Variants in SMYD3 observed in about 807,000 individuals in gnomAD.
SMYD3 encodes SET and MYND domain containing 3.
SMYD3 carries 36 observed loss-of-function variants against 57.7 expected under a neutral mutation model. The observed-to-expected ratio is 0.62, with a 90% CI of 0.48 to 0.82. SMYD3 has a LOEUF of 0.82. SMYD3 is among the 40% of genes least tolerant of loss of function. The probability of loss-of-function intolerance (pLI) is 0.00; values close to 1 mark genes in which losing one functional copy is unlikely to be tolerated. For missense variants in SMYD3, 515 were observed against 538.8 expected, an observed-to-expected ratio of 0.96 and a Z score of 0.44; for synonymous variants, 211 against 195.0, an observed-to-expected ratio of 1.08 and a Z score of -0.68.
intron 5 of SMYD3, among the ~76,000 whole-genome samples, chr1:246,098,993 T>C (rs2060963203): frequency 6.6e-6 from 1 of 152,216 alleles, no homozygotes; most frequent in Admixed American, 6.5e-5. Flanking sequence ...TTTCCTATTT[T>C]GCTTTTCTCC....
At chr1:246,176,842 G>A (rs1394028051) in intron 5 of SMYD3, among the ~76,000 whole-genome samples, 1 of 152,170 alleles carries the variant, frequency 6.6e-6, no homozygotes, top group Non-Finnish European at 1.5e-5. Flanking sequence ...GTTTGTTAAT[G>A]GCACTGGTAA....
intron 5 of SMYD3, among the ~76,000 whole-genome samples, chr1:246,298,551 A>G (rs1416415763): frequency 1.3e-5 from 2 of 152,134 alleles, no homozygotes; most frequent in Non-Finnish European, 2.9e-5. Flanking sequence ...CAGAGACAAG[A>G]TGGAGGTTTT....
chr1:246,482,162 GC>G (rs112999750), intron 1 of SMYD3, among the ~76,000 whole-genome samples: 2 of 150,992 alleles, frequency 1.3e-5, no homozygotes, highest in African/African-American at 4.9e-5. Context: ...TGTCTCAGAA[GC>G]AAAAAAAAAT....
chr1:246,346,956 G>A (rs2065730938), intron 2 of SMYD3, among the ~76,000 whole-genome samples: 1 of 152,094 alleles, frequency 6.6e-6, no homozygotes, highest in Admixed American at 6.5e-5. Context: ...AGAACAGACA[G>A]GGGATATAGG....
intron 5 of SMYD3, among the ~76,000 whole-genome samples, chr1:246,235,142 T>C (rs2063493496): frequency 6.6e-6 from 1 of 152,190 alleles, no homozygotes; most frequent in African/African-American, 2.4e-5. Context: ...CTAATAGACC[T>C]GCCTCTAAGT....
At chr1:246,141,447 T>G (rs931981035) in intron 5 of SMYD3, among the ~76,000 whole-genome samples, 1 of 146,410 alleles carries the variant, frequency 6.8e-6, no homozygotes, top group Non-Finnish European at 1.5e-5. Context: ...TTCAAAGGAA[T>G]TTTAATGTCT....
intron 5 of SMYD3, among the ~76,000 whole-genome samples, chr1:245,962,000 C>T (rs1178713421): frequency 6.6e-6 from 1 of 152,156 alleles, no homozygotes; most frequent in East Asian, 1.9e-4. Context: ...GTTATCCTCA[C>T]TTTGCAGATG....
chr1:246,156,571 T>C (rs534921330), intron 5 of SMYD3, among the ~76,000 whole-genome samples: 226 of 152,338 alleles, frequency 1.5e-3, no homozygotes, highest in Non-Finnish European at 2.5e-3. Context: ...AGCCTGTTAT[T>C]TGTGAGGCAC....
At chr1:245,778,305 C>T (rs2817485) in intron 10 of SMYD3, among the ~76,000 whole-genome samples, 48,747 of 152,060 alleles carry the variant, frequency 0.32, 12,187 homozygotes, top group African/African-American at 0.69. Flanking sequence ...CAGTGTGGCA[C>T]TGGCAAAGAG....
intron 2 of SMYD3, among the ~76,000 whole-genome samples, chr1:246,343,627 T>C (rs574698168): frequency 6.6e-6 from 1 of 152,246 alleles, no homozygotes; most frequent in South Asian, 2.1e-4. Context: ...TAACCACAAG[T>C]CTGTATGCCA....
chr1:246,040,607 C>T (rs969091869), intron 5 of SMYD3, among the ~76,000 whole-genome samples: 2 of 152,200 alleles, frequency 1.3e-5, no homozygotes, highest in African/African-American at 4.8e-5. Flanking sequence ...TCAAGGTCCT[C>T]AGCTGGGGCT....
At chr1:246,444,800 A>G (rs148126217) in intron 1 of SMYD3, among the ~76,000 whole-genome samples, 1 of 152,364 alleles carries the variant, frequency 6.6e-6, no homozygotes, top group African/African-American at 2.4e-5. Context: ...AGCCAGGCAC[A>G]CAAAACGCAA....
At chr1:246,154,483 G>A (rs1307459449) in intron 5 of SMYD3, among the ~76,000 whole-genome samples, 1 of 152,148 alleles carries the variant, frequency 6.6e-6, no homozygotes, top group Non-Finnish European at 1.5e-5. Flanking sequence ...ATTAGAAATT[G>A]AAACCAATAG....
intron 10 of SMYD3, among the ~76,000 whole-genome samples, chr1:245,858,198 T>C (rs559262128): frequency 6.6e-6 from 1 of 152,320 alleles, no homozygotes; most frequent in East Asian, 1.9e-4. Context: ...AGCCCGTCTT[T>C]GTCACTGCAA....
chr1:246,440,786 A>G (rs905815456), intron 1 of SMYD3, among the ~76,000 whole-genome samples: 1 of 152,204 alleles, frequency 6.6e-6, no homozygotes. Context: ...CAAGTTCACA[A>G]AATCCCTTTC....
intron 5 of SMYD3, among the ~76,000 whole-genome samples, chr1:246,219,802 C>T (rs77242767): frequency 0.014 from 2,169 of 152,272 alleles, 53 homozygotes; most frequent in African/African-American, 0.049. Context: ...AAAACACTCA[C>T]CCAGGCTCCT....
chr1:245,777,829 C>G (rs1189111396), intron 10 of SMYD3, among the ~76,000 whole-genome samples: 1 of 152,172 alleles, frequency 6.6e-6, no homozygotes, highest in Non-Finnish European at 1.5e-5. Flanking sequence ...GAAGTCCAAG[C>G]AAGTTACAAA....
At chr1:246,253,432 C>T (rs527327091) in intron 5 of SMYD3, among the ~76,000 whole-genome samples, 2 of 152,312 alleles carry the variant, frequency 1.3e-5, no homozygotes, top group South Asian at 4.1e-4. Context: ...ATCCAGGTTG[C>T]TGCAAAGGAC....
chr1:246,462,521 C>A (rs1161472541), intron 1 of SMYD3, among the ~76,000 whole-genome samples: 1 of 152,110 alleles, frequency 6.6e-6, no homozygotes, highest in Non-Finnish European at 1.5e-5. Context: ...ACAGACCCCA[C>A]CACCCACAAA....
Sources: gnomAD v4.1 joint callset for allele counts (sites outside exome capture counted in the v4.1 genomes callset) on GRCh38, gnomAD v4.1.1 for gene constraint, MANE v1.5 for transcripts, NCBI Gene and HGNC (gene_info 2026-07-23, HGNC 2026-07-21) for gene names.